SLC33A2: variants seen among roughly 807,000 people sequenced by gnomAD.
SLC33A2 encodes solute carrier family 33 member 2.
At chr8:144,509,747 G>A in the SLC33A2 span, 4 of 1,566,120 alleles carry the variant, frequency 2.6e-6, no homozygotes, top group South Asian at 3.5e-5. Flanking sequence ...GCAATACCGT[G>A]CAGGTGGTCG....
At chr8:144,510,918 C>T in the SLC33A2 span, 15 of 1,602,548 alleles carry the variant, frequency 9.4e-6, no homozygotes, top group South Asian at 8.8e-5. Flanking sequence ...GTAGATGTAG[C>T]AGGGACACAA....
At chr8:144,509,432 CGGCCTCTCGCTGACGCGCGTGGGGCT>C in the SLC33A2 span, 1 of 1,532,352 alleles carries the variant, frequency 6.5e-7, no homozygotes, top group Non-Finnish European at 8.7e-7. Context: ...TGCGTGCCGG[CGGCCTCTCGCTGACGCGCGTGGGGCT>C]GGCCAAGGTT....
chr8:144,511,201 C>T, the SLC33A2 span: 1,913 of 1,593,530 alleles, frequency 1.2e-3, 7 homozygotes, highest in South Asian at 5.3e-3. Context: ...GCCACATGTG[C>T]CTGTGGCCCA....
At chr8:144,509,632 C>T in the SLC33A2 span, 7 of 1,569,576 alleles carry the variant, frequency 4.5e-6, no homozygotes, top group Non-Finnish European at 6.0e-6. Flanking sequence ...CTGCCCGCCG[C>T]TGTGGCGGGG....
At chr8:144,510,524 G>A in the SLC33A2 span, 1 of 1,612,278 alleles carries the variant, frequency 6.2e-7, no homozygotes, top group Non-Finnish European at 8.5e-7. Context: ...CCTCCCCAGT[G>A]TACCCTGCCC....
chr8:144,509,300 C>T, the SLC33A2 span: 1 of 1,427,434 alleles, frequency 7.0e-7, no homozygotes, highest in Non-Finnish European at 9.1e-7. Context: ...ACCTGGAACC[C>T]GACCTCCCAG....
the SLC33A2 span, chr8:144,511,182 G>A: frequency 1.5e-5 from 24 of 1,604,106 alleles, no homozygotes; most frequent in East Asian, 6.7e-5. Flanking sequence ...GGCTGGAGTG[G>A]TCAATAAAGC....
the SLC33A2 span, chr8:144,509,267 G>A: frequency 2.9e-6 from 4 of 1,401,242 alleles, no homozygotes; most frequent in South Asian, 4.6e-5. Context: ...CCACGCGGAG[G>A]GGACCTCGCC....
At chr8:144,510,726 A>G in the SLC33A2 span, 2 of 1,593,974 alleles carry the variant, frequency 1.3e-6, no homozygotes, top group South Asian at 1.1e-5. Context: ...TTGAGAGGTG[A>G]GGGGCTGGCC....
At chr8:144,510,465 T>G in the SLC33A2 span, 9 of 1,612,822 alleles carry the variant, frequency 5.6e-6, no homozygotes, top group Middle Eastern at 1.7e-4. Context: ...GTCTGCTCCA[T>G]CGCTGGCTCC....
the SLC33A2 span, chr8:144,510,723 G>A: frequency 2.6e-5 from 41 of 1,593,174 alleles, no homozygotes; most frequent in East Asian, 2.0e-4. Flanking sequence ...ATCTTGAGAG[G>A]TGAGGGGCTG....
the SLC33A2 span, chr8:144,509,621 GC>G: frequency 6.4e-7 from 1 of 1,560,512 alleles, no homozygotes; most frequent in African/African-American, 1.4e-5. Flanking sequence ...GCCAGGCCGG[GC>G]TGCCCGCCGC....
the SLC33A2 span, chr8:144,510,404 C>A: frequency 3.2e-5 from 52 of 1,612,668 alleles, no homozygotes; most frequent in Non-Finnish European, 4.2e-5. Context: ...CCTGCTGGAC[C>A]ACGGCGTTTC....
chr8:144,509,475 G>T, the SLC33A2 span: 2 of 1,535,482 alleles, frequency 1.3e-6, no homozygotes, highest in Non-Finnish European at 8.7e-7. Flanking sequence ...GGTTCTGTAC[G>T]CTCCGTGGCT....
At chr8:144,510,951 G>A in the SLC33A2 span, 3 of 1,599,564 alleles carry the variant, frequency 1.9e-6, no homozygotes, top group Non-Finnish European at 2.5e-6. Flanking sequence ...GGCTGGGGCT[G>A]TGTGGGCCTG....
the SLC33A2 span, chr8:144,511,177 G>A: frequency 7.5e-6 from 12 of 1,605,946 alleles, no homozygotes; most frequent in South Asian, 6.6e-5. Context: ...TGAGTGGCTG[G>A]AGTGGTCAAT....
chr8:144,510,196 AG>A, the SLC33A2 span: 1 of 1,296,748 alleles, frequency 7.7e-7, no homozygotes, highest in Non-Finnish European at 1.0e-6. Context: ...CCCCAGCTCT[AG>A]CCCCATCCCT....
chr8:144,510,006 T>C, the SLC33A2 span: 2 of 1,594,996 alleles, frequency 1.3e-6, no homozygotes, highest in South Asian at 2.2e-5. Flanking sequence ...TGTGCTCACC[T>C]ACAAGCTGGG....
At chr8:144,510,110 C>G in the SLC33A2 span, 2 of 1,423,130 alleles carry the variant, frequency 1.4e-6, no homozygotes, top group Non-Finnish European at 1.9e-6. Context: ...CAGGGCCACG[C>G]TCTTTCTGGG....
Sources: allele counts gnomAD v4.1 joint callset, GRCh38; gene constraint gnomAD v4.1.1; transcripts MANE v1.5; gene names NCBI Gene and HGNC (gene_info 2026-07-23, HGNC 2026-07-21).